The following ATP6V1H variants were observed in gnomAD, a reference collection of about 807,000 sequenced individuals.
ATP6V1H encodes ATPase H+ transporting V1 subunit H, also known as V-type proton ATPase subunit H.
ATP6V1H carries 39 observed loss-of-function variants against 71.7 expected under a neutral mutation model. The observed-to-expected ratio is 0.54, with a 90% CI of 0.42 to 0.71. The LOEUF (loss-of-function observed/expected upper bound fraction) is 0.71, where lower values mean the gene tolerates loss of function less well. Among genes scored for constraint, ATP6V1H ranks in the 30% least tolerant of loss-of-function variants. ATP6V1H has a pLI of 0.00. For missense variants in ATP6V1H, 509 were observed against 594.9 expected (o/e 0.86, Z 1.50); for synonymous variants, 192 against 199.3 (o/e 0.96, Z 0.31).
chr8:53,801,678 A>G, intron 8 of ATP6V1H, 121 bp downstream of exon 8: 1 of 803,400 alleles, frequency 1.2e-6, no homozygotes, highest in East Asian at 2.8e-5. Flanking sequence ...TAGCATAGTC[A>G]ATTGTTAAAC....
chr8:53,803,258 A>C (rs1809974316), intron 7 of ATP6V1H, among the ~76,000 whole-genome samples: 1 of 151,996 alleles, frequency 6.6e-6, no homozygotes, highest in Non-Finnish European at 1.5e-5. Context: ...AGTCACTTGA[A>C]CCCAGGAGGC....
intron 9 of ATP6V1H, among the ~76,000 whole-genome samples, chr8:53,772,653 A>T (rs1808708276): frequency 6.6e-6 from 1 of 152,194 alleles, no homozygotes; most frequent in Non-Finnish European, 1.5e-5. Context: ...CCCTTGTTTG[A>T]ACAATTATCA....
At chr8:53,730,518 C>G (rs776108453) in intron 13 of ATP6V1H, among the ~76,000 whole-genome samples, 1 of 151,996 alleles carries the variant, frequency 6.6e-6, no homozygotes, top group South Asian at 2.1e-4. Flanking sequence ...ATCAATTTTA[C>G]CAAAACCATG....
At chr8:53,838,586 TAA>T (rs1220376979) in intron 2 of ATP6V1H, among the ~76,000 whole-genome samples, 10 of 152,210 alleles carry the variant, frequency 6.6e-5, no homozygotes, top group Admixed American at 6.5e-4. Flanking sequence ...TTTAATTTGA[TAA>T]AAGTCTGTTT....
intron 3 of ATP6V1H, 121 bp from the exon 4 acceptor site, chr8:53,829,654 C>T: frequency 1.6e-6 from 1 of 607,868 alleles, no homozygotes; most frequent in Non-Finnish European, 2.8e-6. Context: ...ACAAATTTTA[C>T]TTACAGAAAA....
rs73682561 is a variant in ATP6V1H, at chr8:53,743,684, G to A, written c.1284C>T (p.Ile428=). 8.9e-4 allele frequency: 1,435 copies of A among 1,606,844 alleles called. 11 individuals are homozygous for A. The African/African-American group carries it at 0.016, about 18-fold the overall frequency. The change falls in exon 13 of 14, where the codon ATC becomes ATT. Residue 428 remains isoleucine, a synonymous_variant. Coordinates refer to ENST00000359530, the MANE Select transcript of ATP6V1H (RefSeq NM_015941.4). ...VRHYPRGKRV[I]EQLGGKQLVM... ...CCAGCTGCTTCCCACCGAGCTGCTC[G>A]ATGACCCTGCAAACGGGAGAGACGT... is the stretch of plus-strand genomic sequence containing the variant.
chr8:53,754,029 T>C (rs1807902968), intron 12 of ATP6V1H, among the ~76,000 whole-genome samples: 1 of 152,060 alleles, frequency 6.6e-6, no homozygotes, highest in African/African-American at 2.4e-5. Context: ...CAAGTGAACA[T>C]AAAGGAAGCC....
chr8:53,736,373 C>T (rs183258493), intron 13 of ATP6V1H, among the ~76,000 whole-genome samples: 1 of 152,172 alleles, frequency 6.6e-6, no homozygotes. Flanking sequence ...ACATAGGAGA[C>T]CAATGGCCTT....
intron 9 of ATP6V1H, among the ~76,000 whole-genome samples, chr8:53,790,442 T>G (rs527719038): frequency 6.6e-6 from 1 of 152,184 alleles, no homozygotes; most frequent in South Asian, 2.1e-4. Flanking sequence ...CTTTATACAG[T>G]CACAAATATT....
At chr8:53,832,961 A>G (rs374164245) in intron 3 of ATP6V1H, 23 bp downstream of exon 3, 58 of 1,510,830 alleles carry the variant, frequency 3.8e-5, no homozygotes, top group Non-Finnish European at 4.9e-5. Flanking sequence ...GGAAGTGTTC[A>G]TTATATAATG....
chr8:53,834,763 C>T (rs371989103), intron 2 of ATP6V1H, among the ~76,000 whole-genome samples: 12 of 151,912 alleles, frequency 7.9e-5, no homozygotes, highest in African/African-American at 2.7e-4. Flanking sequence ...AAAATTGTCC[C>T]TCCTCCCCTG....
intron 2 of ATP6V1H, 114 bp from the exon 3 acceptor site, chr8:53,833,200 G>T (rs1255690816): frequency 1.4e-6 from 1 of 727,686 alleles, no homozygotes; most frequent in Non-Finnish European, 2.3e-6. Flanking sequence ...AAGGGCTGAC[G>T]CAAGGGCCCT....
intron 13 of ATP6V1H, among the ~76,000 whole-genome samples, chr8:53,727,446 A>G (rs1415342112): frequency 1.3e-5 from 2 of 151,842 alleles, no homozygotes; most frequent in Non-Finnish European, 2.9e-5. Context: ...GGTAAAATCT[A>G]CTCCTCTTCT....
intron 7 of ATP6V1H, among the ~76,000 whole-genome samples, chr8:53,808,576 T>C (rs1265313943): frequency 1.3e-5 from 2 of 152,154 alleles, no homozygotes; most frequent in African/African-American, 4.8e-5. Context: ...AAGACCAGCC[T>C]GGACAACATA....
intron 13 of ATP6V1H, among the ~76,000 whole-genome samples, chr8:53,728,034 C>A (rs1247554422): frequency 1.3e-5 from 2 of 152,234 alleles, no homozygotes; most frequent in African/African-American, 4.8e-5. Context: ...GGAACAACTG[C>A]CTCATCTCTA....
In ATP6V1H at chr8:53,715,853, T is replaced by C. The variant is rs1011899969; in HGVS notation, c.*111A>G. On this transcript the variant is annotated 3_prime_UTR_variant, in exon 14 of 14. Transcript: ENST00000359530. The stretch of plus-strand genomic sequence containing the variant: ...TGGAAATTAGCATTGGGAAAAGCTA[T>C]ATAACAGAGGAAATTCCAAGTAAAA... 2.9e-5 allele frequency: 25 copies of C among 873,314 alleles called. No homozygotes were observed. In the African/African-American group the frequency reaches 4.0e-4, roughly 14 times the overall value. The allele number at this position is 873,314 out of a possible 1,614,324, so 54.1% of individuals were successfully genotyped here. A position where few individuals can be genotyped will look rare whatever the true frequency, so the allele number is the denominator to read the frequency against.
At chr8:53,801,994 A>C (rs1312848288) in intron 7 of ATP6V1H, 98 bp from the exon 8 acceptor site, 8 of 1,057,090 alleles carry the variant, frequency 7.6e-6, no homozygotes, top group Non-Finnish European at 1.1e-5. Flanking sequence ...ACCTACTGGA[A>C]TTACCATCTG....
At chr8:53,756,417 C>T (rs1320093392) in intron 12 of ATP6V1H, 138 bp downstream of exon 12, 1 of 632,852 alleles carries the variant, frequency 1.6e-6, no homozygotes, top group African/African-American at 1.8e-5. Context: ...TATCATAATT[C>T]TCACTATTGT....
chr8:53,772,248 G>A, intron 9 of ATP6V1H, 81 bp from the exon 10 acceptor site: 1 of 1,086,168 alleles, frequency 9.2e-7, no homozygotes, highest in Non-Finnish European at 1.3e-6. Flanking sequence ...TTCTTTTATA[G>A]TCTCTCTCCT....
Sources: gnomAD v4.1 joint callset for allele counts (sites outside exome capture counted in the v4.1 genomes callset) on GRCh38, gnomAD v4.1.1 for gene constraint, MANE v1.5 for transcripts, NCBI Gene and HGNC (gene_info 2026-07-23, HGNC 2026-07-21) for gene names.